The following GTF3C1 variants were observed in gnomAD, a reference collection of about 807,000 sequenced individuals.
GTF3C1 encodes the protein general transcription factor 3C polypeptide 1.
GTF3C1 carries 57 observed loss-of-function variants against 226.7 expected under a neutral mutation model. The observed-to-expected ratio is 0.25, with a 90% CI of 0.20 to 0.31. The LOEUF is 0.31. GTF3C1 is among the 10% of genes least tolerant of loss of function. The probability of loss-of-function intolerance (pLI) is 1.00; values close to 1 mark genes in which losing one functional copy is unlikely to be tolerated. For missense variants in GTF3C1, 2,217 were observed against 2,776.1 expected (o/e 0.80, Z 4.53); for synonymous variants, 1,090 against 1,084.8 (o/e 1.00, Z -0.09).
chr16:27,520,704 A>C (rs542620568), intron 6 of GTF3C1, among the ~76,000 whole-genome samples: 2 of 152,276 alleles, frequency 1.3e-5, no homozygotes, highest in South Asian at 4.1e-4. Context: ...TTAGTAGCTG[A>C]CTTGAGGTCC....
chr16:27,523,770 C>A (rs1410133463), intron 6 of GTF3C1, among the ~76,000 whole-genome samples: 2 of 152,116 alleles, frequency 1.3e-5, no homozygotes, highest in African/African-American at 4.8e-5. Flanking sequence ...TGGGCTACGG[C>A]GTGCCATGGA....
rs1234986275 is a variant in GTF3C1, at chr16:27,538,361, A to C, written c.432-5T>G. 2 of 1,516,200 alleles carry C rather than the reference A, an allele frequency of 1.3e-6. No individual in the cohort carries two copies. The highest frequency in any genetic ancestry group is 4.7e-5 in the Admixed American group (2 of 42,982). The allele number at this position is 1,516,200 out of a possible 1,614,324, so 93.9% of individuals were successfully genotyped here. On this transcript the variant is annotated splice_polypyrimidine_tract_variant and splice_region_variant and intron_variant, in intron 2 of 36. Transcript: ENST00000356183. ...ATGATCAGTTTCTTCCCCCACCTGC[A>C]AATCGGAAACAATCGCATGAAGAAA...
intron 6 of GTF3C1, 64 bp from the exon 7 acceptor site, chr16:27,511,965 G>A: frequency 1.3e-6 from 2 of 1,572,744 alleles, no homozygotes; most frequent in South Asian, 1.1e-5. Context: ...GGGAGGTGAG[G>A]GGTTCTGAAA....
Position 27,471,532 on chromosome 16 carries a change from C to T in GTF3C1, c.4526+216G>A, listed in dbSNP as rs530018194. ...AAACAAACCACCTGCAAAATGGTAA[C>T]GCCGCCAACACAAAGAAGCTGCCAG... On this transcript the variant is annotated intron_variant, in intron 30 of 36. Coordinates refer to ENST00000356183, the MANE Select transcript of GTF3C1 (RefSeq NM_001520.4). This position sits in a 1 kb window ranked among gnomAD's most constrained non-coding sequence, Gnocchi z 5.0. 14 of 512,900 alleles carry T rather than the reference C, an allele frequency of 2.7e-5. No individual in the cohort carries two copies. Among genetic ancestry groups the T allele is most frequent in the South Asian group, 1.6e-4 (5 of 32,010 alleles). The allele number at this position is 512,900 out of a possible 1,614,324, so 31.8% of individuals were successfully genotyped here.
chr16:27,489,687 C>T lies in GTF3C1; in HGVS notation c.3208G>A (p.Glu1070Lys), dbSNP rs748211502. The change falls in exon 20 of 37, where the codon GAG (glutamate) becomes AAG (lysine). Residue 1070 changes from glutamate (E) to lysine (K), a missense_variant. Coordinates refer to ENST00000356183, the MANE Select transcript of GTF3C1 (RefSeq NM_001520.4). The stretch of plus-strand genomic sequence containing the variant: ...TGCTCCTTCTGCAGGCTGCCCTCCT[C>T]GTCGCTGCCCTGGTCTGTGCTGCTG... ...KNSSTDQGSDEEGSLQKEQES... is the reference protein window; with the variant it reads ...KNSSTDQGSDKEGSLQKEQES... The T allele has an allele frequency of 6.2e-6, 10 of 1,611,968 alleles. No individual in the cohort carries two copies. The highest frequency in any genetic ancestry group is 3.3e-5 in the South Asian group (3 of 90,772).
At chr16:27,520,473 C>T (rs1202600708) in intron 6 of GTF3C1, among the ~76,000 whole-genome samples, 1 of 151,986 alleles carries the variant, frequency 6.6e-6, no homozygotes, top group Non-Finnish European at 1.5e-5. Flanking sequence ...CCAAGACTGA[C>T]CACAAAATGG....
intron 27 of GTF3C1, chr16:27,480,782 G>T (rs1321422777): frequency 2.8e-6 from 1 of 352,998 alleles, no homozygotes; most frequent in Non-Finnish European, 5.3e-6. Flanking sequence ...CCTTGGGCAC[G>T]TTACTTACAT....
At chr16:27,530,656 T>G (rs1192713611) in intron 5 of GTF3C1, among the ~76,000 whole-genome samples, 1 of 152,202 alleles carries the variant, frequency 6.6e-6, no homozygotes, top group East Asian at 1.9e-4. Context: ...ATACCCAATA[T>G]GTCTGAAACT....
intron 5 of GTF3C1, among the ~76,000 whole-genome samples, 194 bp downstream of exon 5, chr16:27,533,097 A>T (rs1291804003): frequency 5.3e-5 from 8 of 152,186 alleles, no homozygotes; most frequent in African/African-American, 1.7e-4. Flanking sequence ...GCACCACCGC[A>T]CCCCAGCCAG....
At chr16:27,508,222 G>A (rs2088516895) in intron 8 of GTF3C1, among the ~76,000 whole-genome samples, 1 of 152,220 alleles carries the variant, frequency 6.6e-6, no homozygotes, top group African/African-American at 2.4e-5. Flanking sequence ...TGTTGGCCAG[G>A]CTGGTCTTGA....
chr16:27,524,271 G>C (rs1206721343), intron 6 of GTF3C1, among the ~76,000 whole-genome samples: 1 of 152,246 alleles, frequency 6.6e-6, no homozygotes, highest in African/African-American at 2.4e-5. Context: ...TTTTTATAGG[G>C]AAGGTGACAG....
At chr16:27,481,909 C>G (rs988828777) in intron 26 of GTF3C1, among the ~76,000 whole-genome samples, 4 of 152,182 alleles carry the variant, frequency 2.6e-5, no homozygotes, top group Non-Finnish European at 5.9e-5. Context: ...TGTGGGTCAC[C>G]TATTCCATTT....
intron 5 of GTF3C1, 86 bp downstream of exon 5, chr16:27,533,205 G>T (rs753776046): frequency 2.9e-6 from 2 of 683,372 alleles, no homozygotes; most frequent in Non-Finnish European, 5.4e-6. Context: ...GCTTTGGGTT[G>T]CAATTCATTC....
rs562703072 is a variant in GTF3C1, at chr16:27,509,912, G to A, written c.1127-1257C>T. ...GCAGCAGAATGAAGAAAGATGACTA[G>A]GATGTGTTCCTATACTGATCTAGCA... On this transcript the variant is annotated intron_variant, in intron 7 of 36. Transcript: ENST00000356183. Among the ~76,000 whole-genome samples the A allele has an allele frequency of 5.3e-5, 8 of 152,236 alleles. No homozygotes were observed. The South Asian group carries it at 1.5e-3, about 28-fold the overall frequency.
At chr16:27,501,840 T>C (rs985915556) in intron 11 of GTF3C1, among the ~76,000 whole-genome samples, 2 of 152,214 alleles carry the variant, frequency 1.3e-5, no homozygotes, top group African/African-American at 4.8e-5. Context: ...TGGTGGCTCA[T>C]GCCTATAATA....
intron 6 of GTF3C1, among the ~76,000 whole-genome samples, 181 bp from the exon 7 acceptor site, chr16:27,512,082 G>A (rs1316462942): frequency 6.6e-6 from 1 of 152,178 alleles, no homozygotes; most frequent in Non-Finnish European, 1.5e-5. Flanking sequence ...ACCTGAAAAT[G>A]TATTCCATAA....
chr16:27,528,552 T>G (rs534049311), intron 6 of GTF3C1, 46 bp downstream of exon 6: 1 of 1,519,960 alleles, frequency 6.6e-7, no homozygotes, highest in East Asian at 2.3e-5. Context: ...AAGACAGAAG[T>G]GAGAGCCAGC....
chr16:27,501,614 T>C (rs1567400373), intron 11 of GTF3C1, among the ~76,000 whole-genome samples: 2 of 152,218 alleles, frequency 1.3e-5, no homozygotes, highest in Non-Finnish European at 1.5e-5. Flanking sequence ...TTTGAGATCA[T>C]GATGGCAGGG....
intron 24 of GTF3C1, among the ~76,000 whole-genome samples, chr16:27,485,540 G>T (rs970338974): frequency 6.6e-6 from 1 of 152,242 alleles, no homozygotes; most frequent in African/African-American, 2.4e-5. Context: ...CAATGAAGGT[G>T]GGAGGAAGGA....
Sources: gnomAD v4.1 joint callset for allele counts (sites outside exome capture counted in the v4.1 genomes callset) on GRCh38, gnomAD v4.1.1 for gene constraint, Gnocchi (gnomAD v3.1) non-coding constraint, MANE v1.5 for transcripts, NCBI Gene and HGNC (gene_info 2026-07-23, HGNC 2026-07-21) for gene names.